Variants in LRRC4C observed in about 807,000 individuals in gnomAD.
The protein encoded by LRRC4C is leucine rich repeat containing 4C.
In LRRC4C, 5 loss-of-function variants were observed where a neutral mutation model predicts 33.6. The observed-to-expected ratio is 0.15, with a 90% confidence interval of 0.08 to 0.31. LRRC4C has a LOEUF of 0.31. Among genes scored for constraint, LRRC4C ranks in the 10% least tolerant of loss-of-function variants. The pLI, the probability that LRRC4C is intolerant of heterozygous loss-of-function variation, is 1.00. For synonymous variants in LRRC4C, 329 were observed against 302.0 expected (o/e 1.09, Z -0.93); for missense variants, 560 against 796.7 (o/e 0.70, Z 3.58).
At chr11:40,191,981 T>A (rs1046407256) in intron 5 of LRRC4C, among the ~76,000 whole-genome samples, 1 of 152,068 alleles carries the variant, frequency 6.6e-6, no homozygotes, top group South Asian at 2.1e-4. Context: ...TAAATAAAAG[T>A]CTATAATTGT....
intron 5 of LRRC4C, among the ~76,000 whole-genome samples, chr11:40,198,756 T>C (rs546919866): frequency 6.6e-6 from 1 of 152,318 alleles, no homozygotes; most frequent in South Asian, 2.1e-4. Flanking sequence ...AAATGGATGC[T>C]AGTTTGTGCC....
At chr11:40,772,060 C>T (rs1264347661) in intron 2 of LRRC4C, among the ~76,000 whole-genome samples, 2 of 152,158 alleles carry the variant, frequency 1.3e-5, no homozygotes, top group Non-Finnish European at 2.9e-5. Context: ...TACCGATTTA[C>T]TGTATTAGTC....
intron 3 of LRRC4C, among the ~76,000 whole-genome samples, chr11:40,433,368 A>G (rs926608065): frequency 7.0e-6 from 1 of 143,764 alleles, no homozygotes; most frequent in Non-Finnish European, 1.5e-5. Flanking sequence ...TTGAGACACA[A>G]AAAGGTATTT....
chr11:41,296,318 T>C (rs913843060), intron 1 of LRRC4C, among the ~76,000 whole-genome samples: 1 of 151,296 alleles, frequency 6.6e-6, no homozygotes. Context: ...TGCTGTGCTT[T>C]TTTTTTTTTC....
chr11:41,301,549 G>A (rs751878831), intron 1 of LRRC4C, among the ~76,000 whole-genome samples: 3 of 152,018 alleles, frequency 2.0e-5, no homozygotes, highest in Non-Finnish European at 2.9e-5. Context: ...TATAACAATG[G>A]TCTATGCAAG....
At chr11:40,635,616 A>C (rs933782588) in intron 3 of LRRC4C, among the ~76,000 whole-genome samples, 1 of 150,444 alleles carries the variant, frequency 6.6e-6, no homozygotes, top group Admixed American at 6.7e-5. Flanking sequence ...CCAGAAATTG[A>C]AAAAGAACCA....
intron 4 of LRRC4C, among the ~76,000 whole-genome samples, chr11:40,252,768 G>C (rs1866889390): frequency 6.6e-6 from 1 of 152,118 alleles, no homozygotes; most frequent in African/African-American, 2.4e-5. Context: ...TTAATGTAAA[G>C]CAATCCAAAG....
chr11:40,667,757 A>G (rs1943889834), intron 2 of LRRC4C, among the ~76,000 whole-genome samples: 1 of 152,234 alleles, frequency 6.6e-6, no homozygotes, highest in African/African-American at 2.4e-5. Flanking sequence ...TAGGCCAACA[A>G]CAACAAGAGA....
chr11:40,253,860 T>C (rs1866983344), intron 4 of LRRC4C, among the ~76,000 whole-genome samples: 2 of 152,202 alleles, frequency 1.3e-5, no homozygotes, highest in Admixed American at 6.5e-5. Flanking sequence ...TTAATAGTTA[T>C]AAAGTGCTTA....
intron 1 of LRRC4C, among the ~76,000 whole-genome samples, chr11:41,003,817 T>C (rs1052375013): frequency 1.3e-5 from 2 of 152,034 alleles, no homozygotes; most frequent in African/African-American, 2.4e-5. Flanking sequence ...CAAGCAGGTC[T>C]GCCTGGCTCT....
chr11:40,441,358 C>A (rs1320575250), intron 3 of LRRC4C, among the ~76,000 whole-genome samples: 1 of 152,030 alleles, frequency 6.6e-6, no homozygotes, highest in Non-Finnish European at 1.5e-5. Context: ...TAAAATCAAC[C>A]CAGAGAAGAG....
intron 2 of LRRC4C, among the ~76,000 whole-genome samples, chr11:40,779,741 C>A (rs1271645172): frequency 6.6e-6 from 1 of 152,130 alleles, no homozygotes. Flanking sequence ...ACATGCTGGT[C>A]TCTAGTAGAA....
intron 4 of LRRC4C, among the ~76,000 whole-genome samples, chr11:40,246,325 A>G (rs949660188): frequency 4.6e-5 from 7 of 152,150 alleles, no homozygotes; most frequent in African/African-American, 1.7e-4. Context: ...AAAGACAATA[A>G]GTAGAATTGG....
At chr11:40,183,656 C>CT (rs1337971221) in intron 5 of LRRC4C, among the ~76,000 whole-genome samples, 4 of 152,188 alleles carry the variant, frequency 2.6e-5, no homozygotes, top group Non-Finnish European at 2.9e-5. Context: ...CTCTGTGCAG[C>CT]TTTTTTTGTT....
intron 1 of LRRC4C, among the ~76,000 whole-genome samples, chr11:41,388,852 C>T (rs1953467239): frequency 6.6e-6 from 1 of 151,818 alleles, no homozygotes; most frequent in African/African-American, 2.4e-5. Flanking sequence ...ATCATAGTTC[C>T]TCAACCTGTC....
At chr11:40,642,043 T>C (rs547639437) in intron 3 of LRRC4C, among the ~76,000 whole-genome samples, 95 of 150,558 alleles carry the variant, frequency 6.3e-4, no homozygotes, top group South Asian at 1.9e-3. Flanking sequence ...TTTTAACTCA[T>C]TGTAATCATT....
chr11:40,266,951 A>T (rs1242141795), intron 4 of LRRC4C, among the ~76,000 whole-genome samples: 1 of 25,224 alleles, frequency 4.0e-5, no homozygotes, highest in Non-Finnish European at 7.8e-5. Context: ...CCACCCACCC[A>T]CCCACCCACC....
intron 3 of LRRC4C, among the ~76,000 whole-genome samples, chr11:40,603,757 A>G (rs1960269453): frequency 6.6e-6 from 1 of 152,212 alleles, no homozygotes. Context: ...TTAGAGACAC[A>G]TTTCAGTTAA....
chr11:41,297,688 A>G (rs1434766020), intron 1 of LRRC4C, among the ~76,000 whole-genome samples: 2 of 152,206 alleles, frequency 1.3e-5, no homozygotes, highest in Admixed American at 1.3e-4. Flanking sequence ...ATATTTCAAT[A>G]CACTAATAGA....
Sources: gnomAD v4.1 joint callset for allele counts (sites outside exome capture counted in the v4.1 genomes callset) on GRCh38, gnomAD v4.1.1 for gene constraint, MANE v1.5 for transcripts, NCBI Gene and HGNC (gene_info 2026-07-23, HGNC 2026-07-21) for gene names.